Variants in RAB5A observed in about 807,000 individuals in gnomAD.
RAB5A encodes RAB5A, member RAS oncogene family, also known as ras-related protein Rab-5A.
A neutral mutation model predicts 25.7 loss-of-function variants in RAB5A; 8 were observed. The observed-to-expected ratio is 0.31, with a 90% confidence interval of 0.18 to 0.56. RAB5A has a LOEUF of 0.56. Ranked by LOEUF, RAB5A falls within the 20% of genes least tolerant of loss-of-function variation. The probability of loss-of-function intolerance (pLI) is 0.91; values close to 1 mark genes in which losing one functional copy is unlikely to be tolerated. For missense variants in RAB5A, 192 were observed against 259.7 expected (o/e 0.74, Z 1.79); for synonymous variants, 98 against 89.8 (o/e 1.09, Z -0.52).
chr3:19,982,331 CTAAGTG>C (rs111462357), intron 5 of RAB5A, among the ~76,000 whole-genome samples: 6 of 152,274 alleles, frequency 3.9e-5, no homozygotes, highest in African/African-American at 1.4e-4. Context: ...ATGTTTGTGT[CTAAGTG>C]TATTTCCACT....
chr3:19,974,140 A>G (rs975190637), intron 2 of RAB5A, among the ~76,000 whole-genome samples: 2 of 150,536 alleles, frequency 1.3e-5, no homozygotes, highest in African/African-American at 4.9e-5. Context: ...TTTTAACAAT[A>G]TTGTATCATT....
intron 2 of RAB5A, among the ~76,000 whole-genome samples, chr3:19,964,659 G>C (rs1041369709): frequency 3.3e-5 from 5 of 152,044 alleles, no homozygotes; most frequent in African/African-American, 1.2e-4. Context: ...AGTCACCCAG[G>C]GTGGAGTGCA....
chr3:19,950,876 A>T lies in RAB5A; in HGVS notation c.-23A>T. On this transcript the variant is annotated 5_prime_UTR_variant, in exon 2 of 6. Transcript: ENST00000273047. Reference sequence around the variant, plus strand: ...GAAGTTCATTGAAGAGTCTGAAATTAGGGACTTATTTCAAATTTGGACATG... The same window carrying T: ...GAAGTTCATTGAAGAGTCTGAAATTTGGGACTTATTTCAAATTTGGACATG... 1.3e-6 allele frequency: 2 copies of T among 1,596,482 alleles called. No individual in the cohort carries two copies. The highest frequency in any genetic ancestry group is 1.7e-6 in the Non-Finnish European group (2 of 1,169,486).
In RAB5A at chr3:19,975,587, T is replaced by C. The variant is rs765790302; in HGVS notation, c.164-14T>C. The C allele has an allele frequency of 1.1e-5, 18 of 1,609,012 alleles. No individual in the cohort carries two copies. The highest frequency in any genetic ancestry group is 1.5e-5 in the Non-Finnish European group (18 of 1,178,550). ...GAGAAAAATGATTGACTTATTGTAG[T>C]CCTTTTCTTTCAGCTGCTTTTCTAA... is the stretch of plus-strand genomic sequence containing the variant. On this transcript the variant is annotated splice_polypyrimidine_tract_variant and intron_variant, in intron 2 of 5. Coordinates refer to ENST00000273047, the MANE Select transcript of RAB5A (RefSeq NM_004162.5).
At position 19,983,944 on chromosome 3, in the gene RAB5A, T is replaced by A; in HGVS notation, c.*121T>A. On this transcript the variant is annotated 3_prime_UTR_variant, in exon 6 of 6. Coordinates refer to ENST00000273047, the MANE Select transcript of RAB5A (RefSeq NM_004162.5). ...AGAAGAGACTTATGATAGAGTCAAG[T>A]TTCTAATACAGAATTATTTTAAGTG... 1 of 671,642 alleles carries A rather than the reference T, an allele frequency of 1.5e-6. No individual in the cohort carries two copies. The highest frequency in any genetic ancestry group is 2.6e-6 in the Non-Finnish European group (1 of 389,200). The allele number at this position is 671,642 out of a possible 1,614,324, so 41.6% of individuals were successfully genotyped here. A position where few individuals can be genotyped will look rare whatever the true frequency, so the allele number is the denominator to read the frequency against.
At chr3:19,979,697 G>C (rs201000024) in intron 5 of RAB5A, among the ~76,000 whole-genome samples, 1 of 151,798 alleles carries the variant, frequency 6.6e-6, no homozygotes, top group African/African-American at 2.4e-5. Context: ...TTTGTTTTTT[G>C]GTTTTGGATT....
chr3:19,964,716 C>G (rs141688929), intron 2 of RAB5A, among the ~76,000 whole-genome samples: 1 of 151,904 alleles, frequency 6.6e-6, no homozygotes, highest in African/African-American at 2.4e-5. Flanking sequence ...CTGGTTCAAA[C>G]GATTCTTGTG....
chr3:19,961,024 G>A (rs1370351074), intron 2 of RAB5A, among the ~76,000 whole-genome samples: 2 of 152,030 alleles, frequency 1.3e-5, no homozygotes, highest in African/African-American at 2.4e-5. Flanking sequence ...AGTTACTATC[G>A]TTTTTATTTG....
chr3:19,972,547 C>T (rs974585020), intron 2 of RAB5A, among the ~76,000 whole-genome samples: 1 of 152,134 alleles, frequency 6.6e-6, no homozygotes, highest in African/African-American at 2.4e-5. Context: ...CATTCCTGTT[C>T]AGCATGATTT....
At position 19,983,840 on chromosome 3, in the gene RAB5A, A is replaced by G. The variant is rs756173337; in HGVS notation, c.*17A>G. The stretch of plus-strand genomic sequence containing the variant: ...AGTAACTAAACCTCTAGTTTGAACT[A>G]GCTGGAATAGTCTTCTGCTTCCTAA... On this transcript the variant is annotated 3_prime_UTR_variant, in exon 6 of 6. Transcript: ENST00000273047. The G allele has an allele frequency of 2.7e-6, 4 of 1,483,704 alleles. No homozygotes were observed. Among genetic ancestry groups the G allele is most frequent in the Non-Finnish European group, 3.8e-6 (4 of 1,066,540 alleles). 91.9% of individuals were successfully genotyped at this position (1,483,704 alleles called of 1,614,324 possible).
At chr3:19,978,891 A>G (rs964037511) in intron 5 of RAB5A, 3 of 152,428 alleles carry the variant, frequency 2.0e-5, no homozygotes, top group African/African-American at 7.2e-5. Context: ...AGGCGTAAGG[A>G]GAAAAAAGGA....
intron 2 of RAB5A, among the ~76,000 whole-genome samples, chr3:19,971,480 T>G (rs9822455): frequency 0.17 from 26,198 of 151,338 alleles, 2,341 homozygotes; most frequent in Middle Eastern, 0.22. Flanking sequence ...TGGTGGTGGT[T>G]GTTGTTTTGA....
intron 2 of RAB5A, among the ~76,000 whole-genome samples, chr3:19,961,645 T>TG (rs1393845258): frequency 2.6e-5 from 4 of 152,210 alleles, no homozygotes; most frequent in Non-Finnish European, 5.9e-5. Context: ...TTTAATCAAA[T>TG]GCATTAATTT....
Position 19,984,129 on chromosome 3 carries a change from A to G in RAB5A, c.*306A>G. 2.4e-6 allele frequency: 1 copy of G among 412,582 alleles called. No homozygotes were observed. Among genetic ancestry groups the G allele is most frequent in the Non-Finnish European group, 4.6e-6 (1 of 219,532 alleles). 25.6% of individuals were successfully genotyped at this position (412,582 alleles called of 1,614,324 possible). A position where few individuals can be genotyped will look rare whatever the true frequency, so the allele number is the denominator to read the frequency against. ...GACAAATGACTGTCTGGGCCCACAC[A>G]GTTAACCAGCCCATTTCTCCACACT... On this transcript the variant is annotated 3_prime_UTR_variant, in exon 6 of 6. Coordinates refer to ENST00000273047, the MANE Select transcript of RAB5A (RefSeq NM_004162.5).
At chr3:19,975,411 A>G (rs1436094123) in intron 2 of RAB5A, 190 bp from the exon 3 acceptor site, 1 of 496,366 alleles carries the variant, frequency 2.0e-6, no homozygotes, top group Non-Finnish European at 3.5e-6. Context: ...TGGGTATGCA[A>G]TCTGTCAAGT....
At chr3:19,951,619 A>G (rs1042205097) in intron 2 of RAB5A, among the ~76,000 whole-genome samples, 1 of 151,768 alleles carries the variant, frequency 6.6e-6, no homozygotes, top group African/African-American at 2.4e-5. Context: ...TGCAGCCTGA[A>G]ACTCTAGGCT....
chr3:19,983,705 C>T lies in RAB5A; in HGVS notation c.533-3C>T. The T allele has an allele frequency of 6.4e-7, 1 of 1,566,234 alleles. No homozygotes were observed. The highest frequency in any genetic ancestry group is 1.4e-5 in the African/African-American group (1 of 73,402). ...TTCTATTTATTTGATCATTTTCTTT[C>T]AGCTAAAAAATTGCCAAAGAATGAA... On this transcript the variant is annotated splice_polypyrimidine_tract_variant and splice_region_variant and intron_variant, in intron 5 of 5. Transcript: ENST00000273047.
At chr3:19,965,951 C>T (rs1459794912) in intron 2 of RAB5A, among the ~76,000 whole-genome samples, 2 of 152,156 alleles carry the variant, frequency 1.3e-5, no homozygotes, top group Non-Finnish European at 2.9e-5. Context: ...TGGTCTCGAA[C>T]TCCCGGGCTC....
intron 2 of RAB5A, among the ~76,000 whole-genome samples, chr3:19,966,398 A>T (rs1158212723): frequency 6.6e-6 from 1 of 152,246 alleles, no homozygotes; most frequent in Non-Finnish European, 1.5e-5. Context: ...TAGGCTGGAT[A>T]ATATTCCATT....
Sources: gnomAD v4.1 joint callset for allele counts (sites outside exome capture counted in the v4.1 genomes callset) on GRCh38, gnomAD v4.1.1 for gene constraint, MANE v1.5 for transcripts, NCBI Gene and HGNC (gene_info 2026-07-23, HGNC 2026-07-21) for gene names.